Variants in LAT2 observed in about 807,000 individuals in gnomAD.
LAT2 encodes linker for activation of T-cells family member 2.
Under a neutral mutation model 43.4 loss-of-function variants are expected in LAT2, and 23 were observed. The ratio of observed to expected loss-of-function variants is 0.53; its 90% CI spans 0.38 to 0.75. The LOEUF (loss-of-function observed/expected upper bound fraction) is 0.75, where lower values mean the gene tolerates loss of function less well. Among genes scored for constraint, LAT2 ranks in the 30% least tolerant of loss-of-function variants. The pLI, the probability that LAT2 is intolerant of heterozygous loss-of-function variation, is 0.00. For synonymous variants in LAT2, 128 were observed against 123.2 expected (o/e 1.04, Z -0.26); for missense variants, 284 against 310.2 (o/e 0.92, Z 0.64).
At chr7:74,216,151 G>A (rs1370922311) in intron 3 of LAT2, 82 bp downstream of exon 3, 5 of 1,200,908 alleles carry the variant, frequency 4.2e-6, no homozygotes, top group Non-Finnish European at 5.8e-6. Flanking sequence ...AGACGTGGCT[G>A]TGGTCAGAAG....
intron 1 of LAT2, among the ~76,000 whole-genome samples, chr7:74,214,092 AT>A (rs1554713602): frequency 3.4e-5 from 4 of 118,108 alleles, no homozygotes; most frequent in African/African-American, 3.6e-5. Flanking sequence ...ATATGAAAAA[AT>A]ATATATAAAT....
chr7:74,224,764 C>T lies in LAT2; in HGVS notation c.*18+4C>T. ...CTAGGGCAGACCAAGAAGAAAGGTA[C>T]AGCCCCTGCTCTCCAGCTGCCGTGG... On this transcript the variant is annotated splice_donor_region_variant and intron_variant, in intron 13 of 13. Coordinates refer to ENST00000460943, the MANE Select transcript of LAT2 (RefSeq NM_032464.3). 6.5e-7 allele frequency: 1 copy of T among 1,536,598 alleles called. No individual in the cohort carries two copies. Among genetic ancestry groups the T allele is most frequent in the Non-Finnish European group, 8.8e-7 (1 of 1,135,746 alleles).
chr7:74,220,062 C>G lies in LAT2; in HGVS notation c.227+54C>G, dbSNP rs1554714902. The G allele has an allele frequency of 6.3e-7, 1 of 1,599,180 alleles. No individual in the cohort carries two copies. Among genetic ancestry groups the G allele is most frequent in the Non-Finnish European group, 8.5e-7 (1 of 1,170,692 alleles). ...AGAATGAAAGTCCTGGAGGTCCTCA[C>G]CTGGTGAGCCCAGGTCAAGACCTCC... On this transcript the variant is annotated intron_variant, in intron 6 of 13. Coordinates refer to ENST00000460943, the MANE Select transcript of LAT2 (RefSeq NM_032464.3). The surrounding 1 kb of genome is among the most constrained non-coding windows in gnomAD (Gnocchi z 4.5).
Position 74,220,808 on chromosome 7 carries a change from C to T in LAT2, c.332+74C>T. ...CACCTCTCCCCCTGCCCCACCTCTC[C>T]CCCTGCCCCACCTGCCTGCCACAGC... On this transcript the variant is annotated intron_variant, in intron 9 of 13. Coordinates refer to ENST00000460943, the MANE Select transcript of LAT2 (RefSeq NM_032464.3). This position sits in a 1 kb window ranked among gnomAD's most constrained non-coding sequence, Gnocchi z 4.5. 2.3e-6 allele frequency: 3 copies of T among 1,303,350 alleles called. No homozygotes were observed. Among genetic ancestry groups the T allele is most frequent in the Non-Finnish European group, 3.1e-6 (3 of 966,362 alleles). 80.7% of individuals were successfully genotyped at this position (1,303,350 alleles called of 1,614,324 possible).
At chr7:74,219,397 CAG>C (rs1802175463) in intron 4 of LAT2, among the ~76,000 whole-genome samples, 1 of 152,196 alleles carries the variant, frequency 6.6e-6, no homozygotes, top group African/African-American at 2.4e-5. Context: ...GCTACCTCCA[CAG>C]CCCTGTCCAC....
At chr7:74,212,272 A>C (rs1267270023) in intron 1 of LAT2, among the ~76,000 whole-genome samples, 1 of 150,182 alleles carries the variant, frequency 6.7e-6, no homozygotes, top group Non-Finnish European at 1.5e-5. Flanking sequence ...CATTTATTTA[A>C]TTTATTATTA....
In LAT2 at chr7:74,220,146, G is replaced by C. The variant is rs1584220001; in HGVS notation, c.228-71G>C. 3 of 1,563,852 alleles carry C rather than the reference G, an allele frequency of 1.9e-6. No homozygotes were observed. The highest frequency in any genetic ancestry group is 3.4e-4 in the Middle Eastern group (2 of 5,866). On this transcript the variant is annotated intron_variant, in intron 6 of 13. Transcript: ENST00000460943. This position sits in a 1 kb window ranked among gnomAD's most constrained non-coding sequence, Gnocchi z 4.5. ...GCTATGAAGGCCCCACAAGGGGTAT[G>C]GGGGGATGTGTCCTGGGGGGCCTCT...
At chr7:74,214,361 A>AATATATATATATGAACATATATAT (rs1801897236) in intron 1 of LAT2, among the ~76,000 whole-genome samples, 1 of 43,938 alleles carries the variant, frequency 2.3e-5, no homozygotes, top group Non-Finnish European at 4.0e-5. Context: ...TATATATATA[A>AATATATATATATGAACATATATAT]ATATATATAT....
Position 74,223,735 on chromosome 7 carries a change from A to G in LAT2, c.400A>G (p.Asn134Asp), listed in dbSNP as rs782602304. The G allele has an allele frequency of 3.1e-6, 5 of 1,613,904 alleles. No individual in the cohort carries two copies. Among genetic ancestry groups the G allele is most frequent in the Middle Eastern group, 1.7e-4 (1 of 6,060 alleles). Residue 134 changes from asparagine (N) to aspartate (D), a missense_variant, in exon 11 of 14, where the codon AAT becomes GAT. Asn to Asp is a conservative substitution (Grantham distance 23, BLOSUM62 1). Coordinates refer to ENST00000460943, the MANE Select transcript of LAT2 (RefSeq NM_032464.3). ...FSKPPEDDDA[N>D]SYENVLICKQ... ...TCTCTCTCCTGCAGATGATGATGCCAATTCCTACGAGAATGTGCTCATTTG... is the reference window on the plus strand; with the variant it reads ...TCTCTCTCCTGCAGATGATGATGCCGATTCCTACGAGAATGTGCTCATTTG...
At chr7:74,228,045 G>A (rs1201240219) in intron 13 of LAT2, among the ~76,000 whole-genome samples, 5 of 150,684 alleles carry the variant, frequency 3.3e-5, no homozygotes, top group African/African-American at 4.9e-5. Flanking sequence ...GTGTGGTGGC[G>A]TGTGCCTGTA....
intron 13 of LAT2, chr7:74,225,114 C>T (rs900231726): frequency 1.1e-4 from 19 of 175,112 alleles, no homozygotes; most frequent in Middle Eastern, 2.6e-3. Context: ...CACACACGGC[C>T]GGGCACGGTG....
In LAT2 at chr7:74,225,885, T is replaced by C. The variant is rs146357067; in HGVS notation, c.*18+1125T>C. On this transcript the variant is annotated intron_variant, in intron 13 of 13. Transcript: ENST00000460943. ...AATGTGCAGAGCCCCACGTCATTCA[T>C]TCAACCAGTATCCACTGGGCCCCTG... The C allele has an allele frequency of 5.0e-3, 757 of 152,442 alleles. 4 individuals are homozygous for C. The highest frequency in any genetic ancestry group is 8.5e-3 in the Non-Finnish European group (580 of 68,120). 9.4% of individuals were successfully genotyped at this position (152,442 alleles called of 1,614,324 possible). A position where few individuals can be genotyped will look rare whatever the true frequency, so the allele number is the denominator to read the frequency against.
chr7:74,214,788 T>TAC (rs1291006990), intron 1 of LAT2, 34 bp from the exon 2 acceptor site: 1 of 87,736 alleles, frequency 1.1e-5, no homozygotes, highest in Non-Finnish European at 2.1e-5. Flanking sequence ...TATATATATA[T>TAC]ATATTTTTTT....
intron 1 of LAT2, among the ~76,000 whole-genome samples, chr7:74,210,950 C>A (rs1035959559): frequency 6.6e-6 from 1 of 152,142 alleles, no homozygotes; most frequent in East Asian, 1.9e-4. Flanking sequence ...CTGGGAGAAC[C>A]GGCAGGGTGG....
At chr7:74,218,740 A>G (rs1436054287) in intron 4 of LAT2, among the ~76,000 whole-genome samples, 3 of 152,214 alleles carry the variant, frequency 2.0e-5, no homozygotes, top group African/African-American at 7.2e-5. Context: ...ACTTTTGTTC[A>G]GGCTGGAGTG....
In LAT2 at chr7:74,212,998, A is replaced by G. The variant is rs143057670; in HGVS notation, c.-218-1824A>G. 3.2e-3 allele frequency among the ~76,000 whole-genome samples: 495 copies of G among 152,326 alleles called. 2 individuals are homozygous for G. The highest frequency in any genetic ancestry group is 0.011 in the African/African-American group (473 of 41,572). ...CTTACCGCAGGGATTTGGGAAGTCCAGAGAGGTCCTGAGACTTGTCCAAAG... is the reference window on the plus strand; with the variant it reads ...CTTACCGCAGGGATTTGGGAAGTCCGGAGAGGTCCTGAGACTTGTCCAAAG... On this transcript the variant is annotated intron_variant, in intron 1 of 13. Coordinates refer to ENST00000460943, the MANE Select transcript of LAT2 (RefSeq NM_032464.3).
chr7:74,216,962 T>A, intron 4 of LAT2, 98 bp downstream of exon 4: 1 of 1,020,482 alleles, frequency 9.8e-7, no homozygotes, highest in Admixed American at 1.8e-5. Flanking sequence ...ACCCCTTCAC[T>A]CACACCTCCT....
chr7:74,214,419 TATATATATATGAAAATATATATATAA>T (rs1801906892), intron 1 of LAT2, among the ~76,000 whole-genome samples: 4 of 62,276 alleles, frequency 6.4e-5, no homozygotes, highest in Admixed American at 3.0e-4. Context: ...TATATATAAA[TATATATATATGAAAATATATATATAA>T]ATATATATAT....
intron 5 of LAT2, 64 bp from the exon 6 acceptor site, chr7:74,219,896 G>A (rs1487111894): frequency 6.2e-6 from 10 of 1,611,940 alleles, no homozygotes; most frequent in Non-Finnish European, 6.8e-6. Context: ...GTGGGGGGAT[G>A]ATGGGGTGAG....
Sources: gnomAD v4.1 joint callset for allele counts (sites outside exome capture counted in the v4.1 genomes callset) on GRCh38, gnomAD v4.1.1 for gene constraint, Gnocchi (gnomAD v3.1) non-coding constraint, MANE v1.5 for transcripts, NCBI Gene and HGNC (gene_info 2026-07-23, HGNC 2026-07-21) for gene names.